The following ZFP64 variants were observed in gnomAD, a reference collection of about 807,000 sequenced individuals.
ZFP64 encodes ZFP64 zinc finger protein.
Under a neutral mutation model 51.6 loss-of-function variants are expected in ZFP64, and 14 were observed. The observed-to-expected ratio is 0.27, with a 90% CI of 0.18 to 0.42. The LOEUF (loss-of-function observed/expected upper bound fraction) is 0.42, where lower values mean the gene tolerates loss of function less well. Ranked by LOEUF, ZFP64 falls within the 10% of genes least tolerant of loss-of-function variation. The probability of loss-of-function intolerance (pLI) is 1.00; values close to 1 mark genes in which losing one functional copy is unlikely to be tolerated. For synonymous variants in ZFP64, 375 were observed against 361.4 expected (o/e 1.04, Z -0.43); for missense variants, 754 against 906.8 (o/e 0.83, Z 2.16).
chr20:52,117,205 A>T (rs1399291255), intron 5 of ZFP64, among the ~76,000 whole-genome samples: 1 of 152,186 alleles, frequency 6.6e-6, no homozygotes, highest in Non-Finnish European at 1.5e-5. Context: ...TCCTCAGGTG[A>T]TTCTTCTATA....
chr20:52,088,616 C>T, exon 8 of ZFP64: 1 of 1,614,186 alleles, frequency 6.2e-7, no homozygotes, highest in Non-Finnish European at 8.5e-7. Flanking sequence ...GCACTTGTCA[C>T]AGAACTCACA....
chr20:52,116,214 T>C (rs947223022), intron 5 of ZFP64, among the ~76,000 whole-genome samples: 2 of 147,332 alleles, frequency 1.4e-5, no homozygotes, highest in African/African-American at 5.0e-5. Context: ...TGGCTTACTG[T>C]AACTTCCACC....
At chr20:52,105,023 TC>T in intron 5 of ZFP64, 1 of 1,299,474 alleles carries the variant, frequency 7.7e-7, no homozygotes, top group East Asian at 2.7e-5. Flanking sequence ...GCCGGACGCT[TC>T]GCCCGCCCTT....
At chr20:52,110,104 C>G (rs1301477225) in intron 5 of ZFP64, among the ~76,000 whole-genome samples, 97 of 152,236 alleles carry the variant, frequency 6.4e-4, no homozygotes, top group Admixed American at 6.3e-3. Context: ...AGCACCAATT[C>G]CTTCTGAGGG....
Position 52,153,843 on chromosome 20 carries a change from AAT to A in ZFP64, c.764-417_764-416del, listed in dbSNP as rs1981086551. On this transcript the variant is annotated intron_variant, in intron 5 of 5. Transcript: ENST00000216923. This position sits in a 1 kb window ranked among gnomAD's most constrained non-coding sequence, Gnocchi z 5.1. ...AGTTACATGTTGTAACAGATTCAACAATATATTTTCGAATGGGTCAGCTCCGT... is the reference window on the plus strand; with the variant it reads ...AGTTACATGTTGTAACAGATTCAACAATATTTTCGAATGGGTCAGCTCCGT... Among the ~76,000 whole-genome samples the A allele has an allele frequency of 6.6e-6, 1 of 152,330 alleles. No homozygotes were observed. The highest frequency in any genetic ancestry group is 1.9e-4 in the East Asian group (1 of 5,186).
intron 5 of ZFP64, among the ~76,000 whole-genome samples, chr20:52,133,836 C>G (rs2122888293): frequency 6.6e-6 from 1 of 152,012 alleles, no homozygotes; most frequent in Middle Eastern, 3.4e-3. Context: ...TGAGACCAGC[C>G]TGGGCAACAT....
chr20:52,121,422 G>A (rs138794048), intron 5 of ZFP64, among the ~76,000 whole-genome samples: 1 of 152,194 alleles, frequency 6.6e-6, no homozygotes, highest in East Asian at 1.9e-4. Flanking sequence ...TTTTTGATAT[G>A]GTGAAACTTT....
chr20:52,140,773 T>C (rs6091458), intron 5 of ZFP64, among the ~76,000 whole-genome samples: 55,189 of 152,010 alleles, frequency 0.36, 10,773 homozygotes, highest in Non-Finnish European at 0.42. Flanking sequence ...TTTTTGTTTA[T>C]AAAAATAGTA....
chr20:52,160,041 T>A lies in ZFP64; in HGVS notation c.763+82A>T. On this transcript the variant is annotated intron_variant, in intron 5 of 5. Coordinates refer to ENST00000216923, the MANE Select transcript of ZFP64 (RefSeq NM_018197.3). This position sits in a 1 kb window ranked among gnomAD's most constrained non-coding sequence, Gnocchi z 4.2. ...AAGGTTCCAACTCGATTTCTTACATTGTGGCTGAATGCTTTAAGGTGCTTA... is the reference window on the plus strand; with the variant it reads ...AAGGTTCCAACTCGATTTCTTACATAGTGGCTGAATGCTTTAAGGTGCTTA... 1 of 1,584,736 alleles carries A rather than the reference T, an allele frequency of 6.3e-7. No individual in the cohort carries two copies. The highest frequency in any genetic ancestry group is 8.6e-7 in the Non-Finnish European group (1 of 1,166,060).
intron 5 of ZFP64, among the ~76,000 whole-genome samples, chr20:52,123,710 T>C (rs1979305223): frequency 6.6e-6 from 1 of 152,204 alleles, no homozygotes; most frequent in Non-Finnish European, 1.5e-5. Flanking sequence ...GTTTTGTTAC[T>C]ACCTGGGCCT....
At chr20:52,143,518 T>G (rs1462682381) in intron 5 of ZFP64, among the ~76,000 whole-genome samples, 1 of 142,446 alleles carries the variant, frequency 7.0e-6, no homozygotes, top group Admixed American at 7.2e-5. Context: ...TATTGTTGTT[T>G]TTGAGCTATT....
intron 2 of ZFP64, among the ~76,000 whole-genome samples, chr20:52,183,534 G>C (rs1012882178): frequency 6.6e-6 from 1 of 152,098 alleles, no homozygotes; most frequent in African/African-American, 2.4e-5. Context: ...TTCCCCAAAG[G>C]CAACTTTGCT....
chr20:52,098,512 A>G, exon 6 of ZFP64: 1 of 1,614,136 alleles, frequency 6.2e-7, no homozygotes, highest in Non-Finnish European at 8.5e-7. Flanking sequence ...AAGAGTGATG[A>G]CAGGGGCCTT....
chr20:52,097,803 C>T (rs555794781), intron 6 of ZFP64, among the ~76,000 whole-genome samples: 168 of 152,168 alleles, frequency 1.1e-3, no homozygotes, highest in African/African-American at 3.6e-3. Context: ...AGTGTGGTGG[C>T]CCACACCTGC....
chr20:52,086,680 G>C (rs539812542), intron 8 of ZFP64, among the ~76,000 whole-genome samples: 2 of 151,940 alleles, frequency 1.3e-5, no homozygotes, highest in Non-Finnish European at 2.9e-5. Context: ...GGGTTTCACC[G>C]TGTTAGCCAG....
At chr20:52,188,000 A>G (rs2123137536) in intron 1 of ZFP64, among the ~76,000 whole-genome samples, 1 of 152,270 alleles carries the variant, frequency 6.6e-6, no homozygotes, top group East Asian at 1.9e-4. Context: ...CTTCTCCAGC[A>G]CACAGCTGGA....
intron 4 of ZFP64, among the ~76,000 whole-genome samples, chr20:52,163,197 C>T (rs1462586727): frequency 1.3e-5 from 2 of 152,052 alleles, no homozygotes; most frequent in Non-Finnish European, 2.9e-5. Flanking sequence ...CTCGTCTCTA[C>T]TAAAAATACA....
chr20:52,086,371 T>C (rs910367385), intron 8 of ZFP64, among the ~76,000 whole-genome samples: 3 of 152,200 alleles, frequency 2.0e-5, no homozygotes, highest in African/African-American at 7.2e-5. Context: ...TGTTGCTCAT[T>C]TGGGGGCACA....
At chr20:52,118,554 T>C (rs1159448732) in intron 5 of ZFP64, among the ~76,000 whole-genome samples, 2 of 152,194 alleles carry the variant, frequency 1.3e-5, no homozygotes, top group African/African-American at 4.8e-5. Context: ...TCTCCTTATC[T>C]TATGCCACAG....
Sources: gnomAD v4.1 joint callset for allele counts (sites outside exome capture counted in the v4.1 genomes callset) on GRCh38, gnomAD v4.1.1 for gene constraint, Gnocchi (gnomAD v3.1) non-coding constraint, MANE v1.5 for transcripts, NCBI Gene and HGNC (gene_info 2026-07-23, HGNC 2026-07-21) for gene names.